Variants in ARFGEF3 observed in about 807,000 individuals in gnomAD.
ARFGEF3 encodes ARFGEF family member 3, also known as brefeldin A-inhibited guanine nucleotide-exchange protein 3.
In ARFGEF3, 96 loss-of-function variants were observed where a neutral mutation model predicts 221.7. The ratio of observed to expected loss-of-function variants is 0.43; its 90% CI spans 0.37 to 0.51. ARFGEF3 has a LOEUF of 0.51. ARFGEF3 is among the 20% of genes least tolerant of loss of function. The pLI is 0.00. For synonymous variants in ARFGEF3, 1,145 were observed against 1,126.8 expected (o/e 1.02, Z -0.32); for missense variants, 2,410 against 2,789.9 (o/e 0.86, Z 3.07).
intron 33 of ARFGEF3, 148 bp downstream of exon 33, chr6:138,335,336 G>A (rs1489052612): frequency 2.7e-6 from 2 of 749,474 alleles, no homozygotes; most frequent in Non-Finnish European, 4.0e-6. Context: ...TCAGAGGACT[G>A]CCTGAACCTA....
chr6:138,291,875 G>C lies in ARFGEF3; in HGVS notation c.3190G>C (p.Glu1064Gln). Reference sequence around the variant, plus strand: ...CCCCGAGTGTGAGGGCTCGCCCCCCGAGCACAGCCCGGAGCAGGGGCGCTC... The same window carrying C: ...CCCCGAGTGTGAGGGCTCGCCCCCCCAGCACAGCCCGGAGCAGGGGCGCTC... ...GDPECEGSPPEHSPEQGRSLS... is the reference protein window; with the variant it reads ...GDPECEGSPPQHSPEQGRSLS... Residue 1064 changes from glutamate (E) to glutamine (Q), a missense_variant, in exon 19 of 34, where the codon GAG becomes CAG. Glu to Gln is a conservative substitution (Grantham distance 29). Coordinates refer to ENST00000251691, the MANE Select transcript of ARFGEF3 (RefSeq NM_020340.5). This position sits in a 1 kb window ranked among gnomAD's most constrained non-coding sequence, Gnocchi z 4.5. 6.7e-7 allele frequency: 1 copy of C among 1,498,848 alleles called. No individual in the cohort carries two copies. Among genetic ancestry groups the C allele is most frequent in the Non-Finnish European group, 8.9e-7 (1 of 1,119,554 alleles). 92.8% of individuals were successfully genotyped at this position (1,498,848 alleles called of 1,614,324 possible).
intron 2 of ARFGEF3, among the ~76,000 whole-genome samples, chr6:138,193,039 A>G (rs1038080270): frequency 5.3e-5 from 8 of 152,172 alleles, no homozygotes; most frequent in African/African-American, 1.9e-4. Context: ...CTCATTTTCA[A>G]CTGGCTAAAG....
rs544666154 is a variant in ARFGEF3, at chr6:138,334,459, C to T, written c.5613C>T (p.Pro1871=). 6.2e-7 allele frequency: 1 copy of T among 1,611,652 alleles called. No individual in the cohort carries two copies. Among genetic ancestry groups the T allele is most frequent in the African/African-American group, 1.3e-5 (1 of 74,930 alleles). The change falls in exon 33 of 34, where the codon CCC becomes CCT. Residue 1871 remains proline, a synonymous_variant. Coordinates refer to ENST00000251691, the MANE Select transcript of ARFGEF3 (RefSeq NM_020340.5). This position sits in a 1 kb window ranked among gnomAD's most constrained non-coding sequence, Gnocchi z 5.1. ...DIFEETAQVS[P]PRGKEKRQWR... ...TTGAGGAAACCGCCCAGGTCAGCCC[C>T]CCGAGAGGCAAGGAGAAGAGACAGT...
intron 32 of ARFGEF3, among the ~76,000 whole-genome samples, chr6:138,329,197 T>C (rs1562218220): frequency 6.6e-6 from 1 of 152,210 alleles, no homozygotes; most frequent in Non-Finnish European, 1.5e-5. Flanking sequence ...ATGACCAACA[T>C]TTCCCACTTT....
chr6:138,192,754 T>C lies in ARFGEF3; in HGVS notation c.138-14288T>C, dbSNP rs190617245. Among the ~76,000 whole-genome samples, 3 of 152,316 alleles carry C rather than the reference T, an allele frequency of 2.0e-5. No individual in the cohort carries two copies. In the East Asian group the frequency reaches 5.8e-4, roughly 29 times the overall value. ...TGGGCAGTCAGGACTTTGACTAACA[T>C]AGCTTCTTATCAGATCATTCTAACA... On this transcript the variant is annotated intron_variant, in intron 2 of 33. Coordinates refer to ENST00000251691, the MANE Select transcript of ARFGEF3 (RefSeq NM_020340.5).
In ARFGEF3 at chr6:138,292,076, G is replaced by A. The variant is rs992218870; in HGVS notation, c.3368+23G>A. The A allele has an allele frequency of 3.6e-6, 5 of 1,383,234 alleles. No homozygotes were observed. In the South Asian group the frequency reaches 4.9e-5, roughly 14 times the overall value. 85.7% of individuals were successfully genotyped at this position (1,383,234 alleles called of 1,614,324 possible). A position where few individuals can be genotyped will look rare whatever the true frequency, so the allele number is the denominator to read the frequency against. Reference sequence around the variant, plus strand: ...CAGGTGCGCGGCGCCGGCCTCCCACGCCCCGGGAGCCTGCTTACCAGGCGA... The same window carrying A: ...CAGGTGCGCGGCGCCGGCCTCCCACACCCCGGGAGCCTGCTTACCAGGCGA... On this transcript the variant is annotated intron_variant, in intron 19 of 33. Coordinates refer to ENST00000251691, the MANE Select transcript of ARFGEF3 (RefSeq NM_020340.5).
intron 32 of ARFGEF3, among the ~76,000 whole-genome samples, chr6:138,329,795 C>T (rs1000545148): frequency 2.6e-5 from 4 of 152,200 alleles, no homozygotes; most frequent in African/African-American, 9.7e-5. Context: ...ACGCCTATCC[C>T]CCAATGTGAT....
chr6:138,315,881 A>T (rs1414507014), intron 26 of ARFGEF3, among the ~76,000 whole-genome samples: 1 of 152,100 alleles, frequency 6.6e-6, no homozygotes, highest in Admixed American at 6.5e-5. Context: ...AGTTCAGATT[A>T]GTTGTGAGGA....
In ARFGEF3 at chr6:138,218,733, G is replaced by T. The variant is rs182651054; in HGVS notation, c.351+8692G>T. Among the ~76,000 whole-genome samples, 50 of 152,304 alleles carry T rather than the reference G, an allele frequency of 3.3e-4. No homozygotes were observed. The East Asian group carries it at 8.5e-3, about 26-fold the overall frequency. On this transcript the variant is annotated intron_variant, in intron 4 of 33. Coordinates refer to ENST00000251691, the MANE Select transcript of ARFGEF3 (RefSeq NM_020340.5). ...TAAAACTATCAAAAGTTCTGTGTTT[G>T]TATGGGCAGAGACAATTTGAGATGA...
At chr6:138,234,335 T>G (rs1778246157) in intron 5 of ARFGEF3, among the ~76,000 whole-genome samples, 1 of 152,192 alleles carries the variant, frequency 6.6e-6, no homozygotes, top group African/African-American at 2.4e-5. Flanking sequence ...CAATCAGATT[T>G]CTCCGGGTAT....
chr6:138,166,221 T>A (rs1225283049), intron 1 of ARFGEF3, among the ~76,000 whole-genome samples: 1 of 152,230 alleles, frequency 6.6e-6, no homozygotes, highest in Non-Finnish European at 1.5e-5. Context: ...AACTACTTGT[T>A]TGAGTTTTAA....
intron 12 of ARFGEF3, among the ~76,000 whole-genome samples, chr6:138,274,427 G>A (rs916680962): frequency 1.3e-5 from 2 of 152,120 alleles, no homozygotes; most frequent in African/African-American, 4.8e-5. Context: ...GGACCATCAG[G>A]GCTGAGATAC....
At chr6:138,302,798 T>G (rs1356271420) in intron 22 of ARFGEF3, among the ~76,000 whole-genome samples, 1 of 152,216 alleles carries the variant, frequency 6.6e-6, no homozygotes, top group East Asian at 1.9e-4. Flanking sequence ...GAGAAATTAC[T>G]CTTCAAAAAT....
rs1780437578 is a variant in ARFGEF3 at position 138,341,942 on chromosome 6, A to G, written c.*5456A>G. On this transcript the variant is annotated 3_prime_UTR_variant, in exon 34 of 34. Coordinates refer to ENST00000251691, the MANE Select transcript of ARFGEF3 (RefSeq NM_020340.5). ...AACCTTTTCTCTGTATCTTTGTACA[A>G]TACTACAAAGGGGTACCAGGGAGGA... The G allele has an allele frequency of 6.6e-6, 1 of 152,190 alleles. No homozygotes were observed. The highest frequency in any genetic ancestry group is 1.5e-5 in the Non-Finnish European group (1 of 68,042). 9.4% of individuals were successfully genotyped at this position (152,190 alleles called of 1,614,324 possible).
At chr6:138,275,855 G>T (rs532132406) in intron 12 of ARFGEF3, among the ~76,000 whole-genome samples, 8 of 151,674 alleles carry the variant, frequency 5.3e-5, no homozygotes, top group Non-Finnish European at 1.2e-4. Context: ...AAACATTCTA[G>T]CTGTAAATTT....
chr6:138,224,414 T>A (rs938224265), intron 4 of ARFGEF3, among the ~76,000 whole-genome samples: 1 of 152,222 alleles, frequency 6.6e-6, no homozygotes, highest in African/African-American at 2.4e-5. Context: ...ACTCCAGTGT[T>A]ACCTTACTTG....
At chr6:138,261,671 A>G in intron 11 of ARFGEF3, 32 bp downstream of exon 11, 1 of 1,331,282 alleles carries the variant, frequency 7.5e-7, no homozygotes. Context: ...GTCTTTATTG[A>G]GGCTGCTTTT....
At chr6:138,288,348 G>T (rs1472023920) in intron 17 of ARFGEF3, among the ~76,000 whole-genome samples, 1 of 152,064 alleles carries the variant, frequency 6.6e-6, no homozygotes, top group Non-Finnish European at 1.5e-5. Context: ...TCATTCCATT[G>T]CACTCTAGCC....
intron 32 of ARFGEF3, among the ~76,000 whole-genome samples, chr6:138,329,547 C>G (rs1042935703): frequency 1.3e-5 from 2 of 152,130 alleles, no homozygotes; most frequent in Non-Finnish European, 2.9e-5. Flanking sequence ...ACCTGTAGTC[C>G]CAGCTACTCA....
Sources: gnomAD v4.1 joint callset for allele counts (sites outside exome capture counted in the v4.1 genomes callset) on GRCh38, gnomAD v4.1.1 for gene constraint, Gnocchi (gnomAD v3.1) non-coding constraint, MANE v1.5 for transcripts, NCBI Gene and HGNC (gene_info 2026-07-23, HGNC 2026-07-21) for gene names.